RAB11FIP3: variants seen among roughly 807,000 people sequenced by gnomAD.
RAB11FIP3 encodes rab11 family-interacting protein 3.
A neutral mutation model predicts 77.8 loss-of-function variants in RAB11FIP3; 17 were observed. The observed-to-expected ratio is 0.22, with a 90% CI of 0.15 to 0.33. The LOEUF (loss-of-function observed/expected upper bound fraction) is 0.33, where lower values mean the gene tolerates loss of function less well. Ranked by LOEUF, RAB11FIP3 falls within the 10% of genes least tolerant of loss-of-function variation. The probability of loss-of-function intolerance (pLI) is 1.00; values close to 1 mark genes in which losing one functional copy is unlikely to be tolerated. For synonymous variants in RAB11FIP3, 437 were observed against 448.2 expected, an observed-to-expected ratio of 0.98 and a Z score of 0.31; for missense variants, 1,005 against 1,011.2, an observed-to-expected ratio of 0.99 and a Z score of 0.08.
At chr16:445,328 A>T (rs972424598) in intron 1 of RAB11FIP3, among the ~76,000 whole-genome samples, 1 of 150,822 alleles carries the variant, frequency 6.6e-6, no homozygotes, top group East Asian at 1.9e-4. Context: ...AGTTTCAGCT[A>T]CTTGGGAGGC....
intron 3 of RAB11FIP3, among the ~76,000 whole-genome samples, chr16:479,251 G>A (rs1019948021): frequency 2.0e-5 from 3 of 152,090 alleles, no homozygotes; most frequent in African/African-American, 7.2e-5. Flanking sequence ...AATCAGCGAG[G>A]TGTGGTGGCT....
At chr16:469,061 T>G (rs2055765764) in intron 2 of RAB11FIP3, among the ~76,000 whole-genome samples, 1 of 150,320 alleles carries the variant, frequency 6.7e-6, no homozygotes, top group Non-Finnish European at 1.5e-5. Context: ...AATTTTTAAT[T>G]TATTATTATT....
intron 3 of RAB11FIP3, among the ~76,000 whole-genome samples, chr16:475,365 A>C (rs531479660): frequency 2.6e-5 from 4 of 152,378 alleles, no homozygotes; most frequent in Admixed American, 2.0e-4. Flanking sequence ...AAAATGTTAA[A>C]AAGTTGGTAG....
chr16:496,444 C>T (rs2031135534), intron 5 of RAB11FIP3, among the ~76,000 whole-genome samples: 1 of 152,242 alleles, frequency 6.6e-6, no homozygotes, highest in Admixed American at 6.5e-5. Flanking sequence ...ACAGCGGGGC[C>T]TGGGTCACTT....
chr16:522,041 G>GTT lies in RAB11FIP3; in HGVS notation c.*1203_*1204insTT, dbSNP rs2032718252. The GTT allele has an allele frequency of 6.6e-6, 1 of 150,536 alleles. No homozygotes were observed. The highest frequency in any genetic ancestry group is 1.5e-5 in the Non-Finnish European group (1 of 67,828). 9.3% of individuals were successfully genotyped at this position (150,536 alleles called of 1,614,324 possible). A position where few individuals can be genotyped will look rare whatever the true frequency, so the allele number is the denominator to read the frequency against. Reference sequence around the variant, plus strand: ...ACCCGCTGCGTGTGTGTGCGCGCGCGTGTACGTGTGGCCCCACATCCGCCG... The same window carrying GTT: ...ACCCGCTGCGTGTGTGTGCGCGCGCGTTTGTACGTGTGGCCCCACATCCGCCG... On this transcript the variant is annotated 3_prime_UTR_variant, in exon 14 of 14. Coordinates refer to ENST00000262305, the MANE Select transcript of RAB11FIP3 (RefSeq NM_014700.4).
intron 1 of RAB11FIP3, among the ~76,000 whole-genome samples, chr16:447,117 C>T (rs369825774): frequency 5.3e-5 from 8 of 151,960 alleles, no homozygotes; most frequent in East Asian, 1.9e-4. Context: ...CCAGCCTGAA[C>T]AATATAGTGA....
chr16:433,789 G>A lies in RAB11FIP3; in HGVS notation c.714+7069G>A, dbSNP rs537026410. Among the ~76,000 whole-genome samples, 11 of 151,396 alleles carry A rather than the reference G, an allele frequency of 7.3e-5. No homozygotes were observed. The South Asian group carries it at 2.1e-3, about 29-fold the overall frequency. ...GAGAATGGCGTGAACCTGGGAGGTG[G>A]AGCTTGCAGTGAGCCGAGATCGTGC... On this transcript the variant is annotated intron_variant, in intron 1 of 13. Coordinates refer to ENST00000262305, the MANE Select transcript of RAB11FIP3 (RefSeq NM_014700.4).
At chr16:517,026 G>A (rs1480546862) in intron 9 of RAB11FIP3, among the ~76,000 whole-genome samples, 2 of 152,206 alleles carry the variant, frequency 1.3e-5, no homozygotes, top group Non-Finnish European at 2.9e-5. Flanking sequence ...CACCTGGCAG[G>A]CAGACCTTGG....
At chr16:497,321 TGAAA>T (rs2031220744) in intron 6 of RAB11FIP3, 1 of 1,304,148 alleles carries the variant, frequency 7.7e-7, no homozygotes, top group Non-Finnish European at 1.0e-6. Context: ...CTTCCTGCTG[TGAAA>T]GATGGCAACA....
chr16:475,894 TCAC>T, intron 3 of RAB11FIP3, among the ~76,000 whole-genome samples: 1 of 152,064 alleles, frequency 6.6e-6, no homozygotes, highest in Non-Finnish European at 1.5e-5. Flanking sequence ...TCTCACTCTG[TCAC>T]CCAGGCTGGA....
intron 9 of RAB11FIP3, among the ~76,000 whole-genome samples, chr16:517,809 G>A (rs182412698): frequency 5.3e-5 from 8 of 152,126 alleles, no homozygotes; most frequent in Non-Finnish European, 7.4e-5. Flanking sequence ...TTGGCCGGGC[G>A]CGGTGGCTCA....
At chr16:450,456 A>T (rs1009940976) in intron 1 of RAB11FIP3, among the ~76,000 whole-genome samples, 5 of 152,208 alleles carry the variant, frequency 3.3e-5, no homozygotes, top group Non-Finnish European at 7.3e-5. Context: ...CTGGGATGAC[A>T]GATGTGACCC....
intron 1 of RAB11FIP3, among the ~76,000 whole-genome samples, chr16:446,412 A>G (rs1340986187): frequency 1.3e-5 from 2 of 152,228 alleles, no homozygotes; most frequent in Non-Finnish European, 2.9e-5. Flanking sequence ...CCTTGGGAGC[A>G]GATATTTCCT....
At chr16:436,082 C>T (rs1253756677) in intron 1 of RAB11FIP3, among the ~76,000 whole-genome samples, 2 of 152,020 alleles carry the variant, frequency 1.3e-5, no homozygotes, top group Non-Finnish European at 2.9e-5. Flanking sequence ...AGGCCGACGC[C>T]GGCGACTCAC....
intron 5 of RAB11FIP3, among the ~76,000 whole-genome samples, chr16:495,201 T>A (rs2031009878): frequency 6.6e-6 from 1 of 152,170 alleles, no homozygotes; most frequent in African/African-American, 2.4e-5. Context: ...AATGAGGCAC[T>A]GGTTGGGATG....
At position 471,769 on chromosome 16, in the gene RAB11FIP3, CTTGGCTG is replaced by C. The variant is rs1182472232; in HGVS notation, c.903+382_903+388del. 6.6e-6 allele frequency among the ~76,000 whole-genome samples: 1 copy of C among 152,182 alleles called. No homozygotes were observed. Among genetic ancestry groups the C allele is most frequent in the Admixed American group, 6.5e-5 (1 of 15,272 alleles). ...GATGCCTGACTAATGCCTGCCCCTGCTTGGCTGTCCTCCACCCTGCTCCCAGATGCAG... is the reference window on the plus strand; with the variant it reads ...GATGCCTGACTAATGCCTGCCCCTGCTCCTCCACCCTGCTCCCAGATGCAG... On this transcript the variant is annotated intron_variant, in intron 3 of 13. Coordinates refer to ENST00000262305, the MANE Select transcript of RAB11FIP3 (RefSeq NM_014700.4). The surrounding 1 kb of genome is among the most constrained non-coding windows in gnomAD (Gnocchi z 4.4).
At position 514,850 on chromosome 16, in the gene RAB11FIP3, G is replaced by A. The variant is rs935830222; in HGVS notation, c.1640+4050G>A. On this transcript the variant is annotated intron_variant, in intron 9 of 13. Transcript: ENST00000262305. The surrounding 1 kb of genome is among the most constrained non-coding windows in gnomAD (Gnocchi z 4.6). ...AGCTTGTGGCACCTGCCGAACCCCC[G>A]GCGTTGGGGTACATGGCCCATCATC... Among the ~76,000 whole-genome samples the A allele has an allele frequency of 5.9e-5, 9 of 152,216 alleles. No homozygotes were observed. The highest frequency in any genetic ancestry group is 1.9e-4 in the East Asian group (1 of 5,204).
intron 1 of RAB11FIP3, among the ~76,000 whole-genome samples, chr16:433,028 C>CTTTT (rs920883186): frequency 9.8e-5 from 4 of 40,870 alleles, no homozygotes; most frequent in African/African-American, 3.1e-4. Context: ...CCATATTTAT[C>CTTTT]TTTTTTTTTT....
rs1596226629 is a variant in RAB11FIP3, at chr16:461,356, C to A, written c.715-48C>A. Reference sequence around the variant, plus strand: ...CAGTCCGAGGTCCAGGGTTGGGGACCCCTGCTGTAAAGGCTTAGGGTAACC... The same window carrying A: ...CAGTCCGAGGTCCAGGGTTGGGGACACCTGCTGTAAAGGCTTAGGGTAACC... On this transcript the variant is annotated intron_variant, in intron 1 of 13. Coordinates refer to ENST00000262305, the MANE Select transcript of RAB11FIP3 (RefSeq NM_014700.4). The surrounding 1 kb of genome is among the most constrained non-coding windows in gnomAD (Gnocchi z 4.5). The A allele has an allele frequency of 6.6e-7, 1 of 1,511,230 alleles. No homozygotes were observed. The highest frequency in any genetic ancestry group is 9.1e-7 in the Non-Finnish European group (1 of 1,097,758). 93.6% of individuals were successfully genotyped at this position (1,511,230 alleles called of 1,614,324 possible).
Sources: gnomAD v4.1 joint callset for allele counts (sites outside exome capture counted in the v4.1 genomes callset) on GRCh38, gnomAD v4.1.1 for gene constraint, Gnocchi (gnomAD v3.1) non-coding constraint, MANE v1.5 for transcripts, NCBI Gene and HGNC (gene_info 2026-07-23, HGNC 2026-07-21) for gene names.